CPQ: variants seen among roughly 807,000 people sequenced by gnomAD.
The protein encoded by CPQ is Ser-Met dipeptidase.
A neutral mutation model predicts 45.7 loss-of-function variants in CPQ; 37 were observed. The observed-to-expected ratio is 0.81, with a 90% confidence interval of 0.62 to 1.07. CPQ has a LOEUF of 1.07. Ranked by LOEUF, CPQ falls within the 50% of genes least tolerant of loss-of-function variation. The pLI, the probability that CPQ is intolerant of heterozygous loss-of-function variation, is 0.00. For synonymous variants in CPQ, 186 were observed against 205.8 expected, an observed-to-expected ratio of 0.90 and a Z score of 0.82; for missense variants, 537 against 572.9, an observed-to-expected ratio of 0.94 and a Z score of 0.64.
chr8:96,872,912 C>T (rs1281156722), intron 3 of CPQ, among the ~76,000 whole-genome samples: 1 of 151,870 alleles, frequency 6.6e-6, no homozygotes, highest in Admixed American at 6.6e-5. Flanking sequence ...GCACTTACCT[C>T]CTGTATCTTT....
intron 4 of CPQ, among the ~76,000 whole-genome samples, chr8:96,962,150 C>T (rs1289280606): frequency 6.6e-6 from 1 of 152,156 alleles, no homozygotes; most frequent in African/African-American, 2.4e-5. Context: ...TCCCCTATTC[C>T]CAAGGCCCTC....
intron 4 of CPQ, among the ~76,000 whole-genome samples, chr8:96,890,824 T>G (rs891074039): frequency 6.6e-6 from 1 of 152,126 alleles, no homozygotes; most frequent in African/African-American, 2.4e-5. Context: ...AAACAAGAAT[T>G]TTGCTAGTGG....
chr8:96,956,476 CTT>C (rs975603070), intron 4 of CPQ, among the ~76,000 whole-genome samples: 4 of 152,068 alleles, frequency 2.6e-5, no homozygotes, highest in African/African-American at 9.7e-5. Context: ...AGATAATTCT[CTT>C]TTTCCTGCAG....
chr8:97,113,317 CAGG>C (rs1811528810), intron 7 of CPQ, among the ~76,000 whole-genome samples: 1 of 152,058 alleles, frequency 6.6e-6, no homozygotes, highest in Non-Finnish European at 1.5e-5. Flanking sequence ...AGAGCAGCAG[CAGG>C]AGAAGGGTGT....
rs1385806600 is a variant in CPQ, at chr8:97,122,971, TAAA to T, written c.1256-20047_1256-20045del. ...TAAAATAAAATAAAATAAAATAAAA[TAAA>T]ATAAAATTAAAATAAAATAAAATAA... On this transcript the variant is annotated intron_variant, in intron 7 of 7. Coordinates refer to ENST00000220763, the MANE Select transcript of CPQ (RefSeq NM_016134.4). 1.9e-3 allele frequency among the ~76,000 whole-genome samples: 103 copies of T among 54,404 alleles called. 7 individuals are homozygous for T. Among genetic ancestry groups the T allele is most frequent in the South Asian group, 8.6e-3 (16 of 1,850 alleles). The allele number at this position is 54,404 out of a possible 152,430, so 35.7% of individuals were successfully genotyped here.
chr8:97,092,763 C>A (rs1563577945), intron 7 of CPQ: 1 of 151,542 alleles, frequency 6.6e-6, no homozygotes, highest in Non-Finnish European at 1.5e-5. Context: ...TTGGCCCTGG[C>A]AAAGACTTCA....
chr8:96,784,604 A>G (rs1810735357), intron 1 of CPQ, among the ~76,000 whole-genome samples: 1 of 152,276 alleles, frequency 6.6e-6, no homozygotes, highest in East Asian at 1.9e-4. Context: ...TCTCCTTCCC[A>G]GCTCTTTTCT....
At chr8:96,678,024 G>T (rs572107930) in intron 1 of CPQ, among the ~76,000 whole-genome samples, 1 of 151,838 alleles carries the variant, frequency 6.6e-6, no homozygotes, top group Admixed American at 6.6e-5. Context: ...CTGTTCCGTC[G>T]GTCTACATGC....
intron 5 of CPQ, among the ~76,000 whole-genome samples, chr8:97,012,466 G>T (rs1809505804): frequency 6.6e-6 from 1 of 152,138 alleles, no homozygotes; most frequent in South Asian, 2.1e-4. Flanking sequence ...TGAGGACGGG[G>T]GTCCTGGGAA....
chr8:96,963,188 T>G (rs1270682383), intron 4 of CPQ, among the ~76,000 whole-genome samples: 2 of 152,200 alleles, frequency 1.3e-5, no homozygotes, highest in African/African-American at 2.4e-5. Context: ...CTATATATTA[T>G]CTGAGAAAAA....
intron 1 of CPQ, among the ~76,000 whole-genome samples, chr8:96,778,222 G>A (rs1215614784): frequency 6.6e-6 from 1 of 151,930 alleles, no homozygotes; most frequent in Non-Finnish European, 1.5e-5. Context: ...AGTGGAATGT[G>A]ATATATTAAT....
chr8:96,754,122 G>C (rs567020360), intron 1 of CPQ, among the ~76,000 whole-genome samples: 1 of 152,026 alleles, frequency 6.6e-6, no homozygotes, highest in Admixed American at 6.6e-5. Flanking sequence ...TTCCAGATTT[G>C]TTATTTAGAA....
chr8:96,742,938 T>C (rs201452212), intron 1 of CPQ, among the ~76,000 whole-genome samples: 5 of 152,150 alleles, frequency 3.3e-5, no homozygotes, highest in Admixed American at 3.3e-4. Flanking sequence ...TTTGGTGAAT[T>C]TGACAATTAT....
At position 97,039,482 on chromosome 8, in the gene CPQ, T is replaced by TTTA. The variant is rs1020790046; in HGVS notation, c.1053+10005_1053+10007dup. On this transcript the variant is annotated intron_variant, in intron 6 of 7. Coordinates refer to ENST00000220763, the MANE Select transcript of CPQ (RefSeq NM_016134.4). Reference sequence around the variant, plus strand: ...ATTCTTTTTTTTTTGAGTGACTTCTTTTATTATTATTATTATTATACTTTA... The same window carrying TTTA: ...ATTCTTTTTTTTTTGAGTGACTTCTTTTATTATTATTATTATTATTATACTTTA... Among the ~76,000 whole-genome samples the TTTA allele has an allele frequency of 7.3e-3, 1,110 of 151,578 alleles. 9 individuals are homozygous for TTTA. The highest frequency in any genetic ancestry group is 0.025 in the African/African-American group (1,017 of 41,366).
intron 5 of CPQ, among the ~76,000 whole-genome samples, chr8:97,009,499 C>G (rs367809155): frequency 6.6e-6 from 1 of 152,124 alleles, no homozygotes; most frequent in South Asian, 2.1e-4. Context: ...AATAAGATTT[C>G]TATATCTTTT....
intron 2 of CPQ, among the ~76,000 whole-genome samples, chr8:96,823,502 A>G (rs1464854199): frequency 6.6e-6 from 1 of 151,640 alleles, no homozygotes; most frequent in Non-Finnish European, 1.5e-5. Flanking sequence ...GGTCCTCTCC[A>G]GCAACTACAC....
intron 3 of CPQ, among the ~76,000 whole-genome samples, chr8:96,854,876 A>G (rs1207146874): frequency 2.0e-5 from 3 of 152,218 alleles, no homozygotes; most frequent in African/African-American, 7.2e-5. Flanking sequence ...ATGCAAAGGC[A>G]GGAAACATTC....
intron 2 of CPQ, among the ~76,000 whole-genome samples, chr8:96,806,018 C>G (rs1467891144): frequency 1.3e-5 from 2 of 152,112 alleles, no homozygotes; most frequent in African/African-American, 4.8e-5. Context: ...CCATTAGAGC[C>G]CTTTTAAGCA....
Position 96,686,440 on chromosome 8 carries a change from A to T in CPQ, c.-35+41038A>T, listed in dbSNP as rs139000985. On this transcript the variant is annotated intron_variant, in intron 1 of 7. Transcript: ENST00000220763. ...GTTGAATTTTATCAAAAGCCTTTTC[A>T]TAATTTATTGAGATGGTATTTTAGT... Among the ~76,000 whole-genome samples, 60 of 152,112 alleles carry T rather than the reference A, an allele frequency of 3.9e-4. 1 individual carries two copies. The East Asian group carries it at 9.3e-3, about 23-fold the overall frequency.
Sources: allele counts gnomAD v4.1 joint callset (sites outside exome capture counted in the v4.1 genomes callset), GRCh38; gene constraint gnomAD v4.1.1; transcripts MANE v1.5; gene names NCBI Gene and HGNC (gene_info 2026-07-23, HGNC 2026-07-21).